Variants in GLCCI1 observed in about 807,000 individuals in gnomAD.
GLCCI1 encodes glucocorticoid induced 1.
In GLCCI1, 24 loss-of-function variants were observed where a neutral mutation model predicts 52.2. That is an observed-to-expected ratio of 0.46 (90% CI 0.33 to 0.65). The LOEUF (loss-of-function observed/expected upper bound fraction) is 0.65. Among genes scored for constraint, GLCCI1 ranks in the 30% least tolerant of loss-of-function variants. GLCCI1 has a pLI of 0.02. For synonymous variants in GLCCI1, 310 were observed against 276.5 expected (o/e 1.12, Z -1.20); for missense variants, 704 against 701.5 (o/e 1.00, Z -0.04).
chr7:8,034,838 C>T (rs956259006), intron 3 of GLCCI1, among the ~76,000 whole-genome samples: 4 of 152,202 alleles, frequency 2.6e-5, no homozygotes, highest in Admixed American at 2.0e-4. Flanking sequence ...CAGCAAACTG[C>T]TGGTATTCAA....
chr7:7,995,653 A>G (rs190978858), intron 1 of GLCCI1, among the ~76,000 whole-genome samples: 275 of 152,328 alleles, frequency 1.8e-3, no homozygotes, highest in Non-Finnish European at 3.1e-3. Context: ...TTGCAAGGAC[A>G]AAAAACCAAA....
chr7:8,022,592 C>T (rs1437764506), intron 3 of GLCCI1, 23 bp downstream of exon 3: 10 of 1,487,138 alleles, frequency 6.7e-6, no homozygotes, highest in Non-Finnish European at 9.1e-6. Flanking sequence ...TGTTTTCCGT[C>T]TGTAACCTGT....
At chr7:7,991,780 A>G (rs575346645) in intron 1 of GLCCI1, among the ~76,000 whole-genome samples, 75 of 152,234 alleles carry the variant, frequency 4.9e-4, no homozygotes, top group African/African-American at 1.8e-3. Flanking sequence ...CTTTCTCCAT[A>G]AAAGGAACTA....
intron 2 of GLCCI1, among the ~76,000 whole-genome samples, chr7:8,020,114 A>G (rs910952004): frequency 2.6e-5 from 4 of 152,248 alleles, no homozygotes; most frequent in Non-Finnish European, 5.9e-5. Context: ...AACATATTTT[A>G]CAACCATAAC....
intron 3 of GLCCI1, chr7:8,022,860 A>T (rs1562431761): frequency 2.4e-5 from 4 of 170,210 alleles, no homozygotes; most frequent in Admixed American, 1.9e-4. Flanking sequence ...AGTCAGCTTT[A>T]ACCTTTCCAG....
At chr7:7,999,522 G>A (rs1781011315) in intron 1 of GLCCI1, among the ~76,000 whole-genome samples, 1 of 152,154 alleles carries the variant, frequency 6.6e-6, no homozygotes, top group Non-Finnish European at 1.5e-5. Flanking sequence ...TGGGAGGATA[G>A]CTTGAGCCCA....
chr7:8,010,633 T>G (rs1781245451), intron 2 of GLCCI1, among the ~76,000 whole-genome samples: 1 of 152,222 alleles, frequency 6.6e-6, no homozygotes, highest in Non-Finnish European at 1.5e-5. Flanking sequence ...TTAAAAATAA[T>G]GCTTTTTGAT....
At chr7:8,011,078 G>T (rs1317463802) in intron 2 of GLCCI1, among the ~76,000 whole-genome samples, 1 of 151,740 alleles carries the variant, frequency 6.6e-6, no homozygotes, top group East Asian at 1.9e-4. Context: ...GAGATCATGT[G>T]ACTACATTCC....
chr7:8,085,632 C>T (rs540855213), intron 7 of GLCCI1, among the ~76,000 whole-genome samples: 1 of 152,018 alleles, frequency 6.6e-6, no homozygotes, highest in Non-Finnish European at 1.5e-5. Context: ...TAGAAGGACC[C>T]ATCTTGCAGG....
At chr7:7,972,265 A>G (rs1401360741) in intron 1 of GLCCI1, among the ~76,000 whole-genome samples, 1 of 151,992 alleles carries the variant, frequency 6.6e-6, no homozygotes, top group Non-Finnish European at 1.5e-5. Flanking sequence ...AAAAACAACA[A>G]CGTGCTCCAT....
chr7:8,036,576 A>G (rs1781872549), intron 3 of GLCCI1, among the ~76,000 whole-genome samples: 1 of 152,202 alleles, frequency 6.6e-6, no homozygotes, highest in African/African-American at 2.4e-5. Flanking sequence ...TCTTTTAAAT[A>G]CCAGATAAAG....
rs1398546602 is a variant in GLCCI1 at position 8,086,679 on chromosome 7, C to T, written c.*141C>T. The T allele has an allele frequency of 2.8e-6, 2 of 716,894 alleles. No individual in the cohort carries two copies. The highest frequency in any genetic ancestry group is 4.0e-4 in the Middle Eastern group (1 of 2,478). 44.4% of individuals were successfully genotyped at this position (716,894 alleles called of 1,614,324 possible). ...CATAAAGTATCTCTTAAACACTGAT[C>T]TTGGCAGGGACGGAACTCCTATTCA... On this transcript the variant is annotated 3_prime_UTR_variant, in exon 8 of 8. Transcript: ENST00000223145. The surrounding 1 kb of genome is among the most constrained non-coding windows in gnomAD (Gnocchi z 4.4).
Position 8,086,627 on chromosome 7 carries a change from A to G in GLCCI1, c.*89A>G, listed in dbSNP as rs904157842. On this transcript the variant is annotated 3_prime_UTR_variant, in exon 8 of 8. Coordinates refer to ENST00000223145, the MANE Select transcript of GLCCI1 (RefSeq NM_138426.4). The surrounding 1 kb of genome is among the most constrained non-coding windows in gnomAD (Gnocchi z 4.4). ...ATGAGTGACAAACTTTCTGAACACC[A>G]CCACCACCAATAATACTTATCAGCA... 3.2e-6 allele frequency: 3 copies of G among 951,610 alleles called. No homozygotes were observed. The South Asian group carries it at 4.8e-5, about 15-fold the overall frequency. The allele number at this position is 951,610 out of a possible 1,614,324, so 58.9% of individuals were successfully genotyped here.
chr7:7,986,052 A>G (rs1780721491), intron 1 of GLCCI1, among the ~76,000 whole-genome samples: 1 of 152,204 alleles, frequency 6.6e-6, no homozygotes, highest in Non-Finnish European at 1.5e-5. Flanking sequence ...TTAAAGTATC[A>G]TTATAACTGT....
At chr7:7,979,703 GTGTAGTAA>G (rs1780568810) in intron 1 of GLCCI1, among the ~76,000 whole-genome samples, 1 of 152,186 alleles carries the variant, frequency 6.6e-6, no homozygotes, top group South Asian at 2.1e-4. Flanking sequence ...GTGGCTTCTT[GTGTAGTAA>G]TGTAGTAATA....
intron 3 of GLCCI1, among the ~76,000 whole-genome samples, chr7:8,040,570 A>G (rs909016783): frequency 5.3e-5 from 8 of 150,994 alleles, no homozygotes; most frequent in African/African-American, 1.9e-4. Context: ...ACCAATGACT[A>G]TTTAAAAGAC....
At chr7:7,970,973 A>G (rs1193201435) in intron 1 of GLCCI1, among the ~76,000 whole-genome samples, 3 of 151,602 alleles carry the variant, frequency 2.0e-5, no homozygotes, top group South Asian at 4.2e-4. Flanking sequence ...AAGGTGTTAG[A>G]GTTGGAGAAA....
chr7:8,032,532 T>C (rs1400536971), intron 3 of GLCCI1, among the ~76,000 whole-genome samples: 1 of 151,964 alleles, frequency 6.6e-6, no homozygotes, highest in Non-Finnish European at 1.5e-5. Context: ...AGACCCAAAT[T>C]ACCAACTTCA....
chr7:8,020,381 CT>C (rs1307054645), intron 2 of GLCCI1, among the ~76,000 whole-genome samples: 2 of 152,084 alleles, frequency 1.3e-5, no homozygotes, highest in Admixed American at 1.3e-4. Flanking sequence ...AACTTGATTT[CT>C]TTTGTAGGTA....
Sources: gnomAD v4.1 joint callset for allele counts (sites outside exome capture counted in the v4.1 genomes callset) on GRCh38, gnomAD v4.1.1 for gene constraint, Gnocchi (gnomAD v3.1) non-coding constraint, MANE v1.5 for transcripts, NCBI Gene and HGNC (gene_info 2026-07-23, HGNC 2026-07-21) for gene names.